Variants in IMMP2L observed in about 807,000 individuals in gnomAD.
IMMP2L encodes the protein inner mitochondrial membrane peptidase subunit 2.
IMMP2L carries 18 observed loss-of-function variants against 19.3 expected under a neutral mutation model. The observed-to-expected ratio is 0.93, with a 90% CI of 0.64 to 1.38. IMMP2L has a LOEUF of 1.38. Among genes scored for constraint, IMMP2L ranks in the 40% most tolerant of loss-of-function variants. The probability of loss-of-function intolerance (pLI) is 0.00; values close to 1 mark genes in which losing one functional copy is unlikely to be tolerated. For missense variants in IMMP2L, 233 were observed against 218.2 expected, an observed-to-expected ratio of 1.07 and a Z score of -0.43; for synonymous variants, 76 against 73.0, an observed-to-expected ratio of 1.04 and a Z score of -0.21.
Position 110,794,957 on chromosome 7 carries a change from T to C in IMMP2L, c.408+91636A>G, listed in dbSNP as rs112539805. Among the ~76,000 whole-genome samples, 35 of 152,136 alleles carry C rather than the reference T, an allele frequency of 2.3e-4. No homozygotes were observed. In the East Asian group the frequency reaches 4.1e-3, roughly 18 times the overall value. On this transcript the variant is annotated intron_variant, in intron 5 of 5. Coordinates refer to ENST00000405709, the MANE Select transcript of IMMP2L (RefSeq NM_032549.4). Reference sequence around the variant, plus strand: ...CCACAGTTTTACATTTAGTTAGCAATTGGGCCTGGTCCAGTCTTTGACTTC... The same window carrying C: ...CCACAGTTTTACATTTAGTTAGCAACTGGGCCTGGTCCAGTCTTTGACTTC...
chr7:111,170,475 G>A (rs752593973), intron 3 of IMMP2L, among the ~76,000 whole-genome samples: 27 of 151,998 alleles, frequency 1.8e-4, no homozygotes, highest in Admixed American at 5.3e-4. Context: ...AGCCAGAATA[G>A]GAGCCCACAA....
At chr7:111,538,554 C>T (rs1848105234) in intron 1 of IMMP2L, among the ~76,000 whole-genome samples, 1 of 149,774 alleles carries the variant, frequency 6.7e-6, no homozygotes, top group African/African-American at 2.5e-5. Context: ...AATCCCAGCA[C>T]TTTGGAGGCC....
intron 3 of IMMP2L, among the ~76,000 whole-genome samples, chr7:111,192,098 C>T (rs1347338048): frequency 2.0e-5 from 3 of 152,100 alleles, no homozygotes; most frequent in African/African-American, 7.2e-5. Flanking sequence ...GGGTGATCAA[C>T]TATGTACCCA....
chr7:110,693,446 A>G (rs1434320455), intron 5 of IMMP2L, among the ~76,000 whole-genome samples: 1 of 152,236 alleles, frequency 6.6e-6, no homozygotes, highest in African/African-American at 2.4e-5. Flanking sequence ...CAGGTGACAC[A>G]TTACACAATA....
chr7:111,195,193 GGATT>G (rs1383361386), intron 3 of IMMP2L, among the ~76,000 whole-genome samples: 1 of 151,858 alleles, frequency 6.6e-6, no homozygotes, highest in African/African-American at 2.4e-5. Context: ...TAAGTTTATT[GGATT>G]ATTAACATAA....
At chr7:111,022,223 G>A (rs890024667) in intron 3 of IMMP2L, among the ~76,000 whole-genome samples, 2 of 152,140 alleles carry the variant, frequency 1.3e-5, no homozygotes, top group Non-Finnish European at 2.9e-5. Flanking sequence ...GGGGAGTCAT[G>A]GGCTTAGCTA....
chr7:111,206,530 T>C (rs544197748), intron 3 of IMMP2L, among the ~76,000 whole-genome samples: 4 of 152,284 alleles, frequency 2.6e-5, no homozygotes, highest in Admixed American at 2.6e-4. Flanking sequence ...ACATAGTAGC[T>C]GTACACATTT....
chr7:111,558,456 G>C (rs1045017482), intron 1 of IMMP2L, among the ~76,000 whole-genome samples: 1 of 152,168 alleles, frequency 6.6e-6, no homozygotes, highest in Non-Finnish European at 1.5e-5. Flanking sequence ...CAGATTCTGT[G>C]CCACATTACA....
intron 3 of IMMP2L, among the ~76,000 whole-genome samples, chr7:111,188,494 C>G (rs969648833): frequency 1.3e-5 from 2 of 152,104 alleles, no homozygotes; most frequent in African/African-American, 4.8e-5. Context: ...GGGCTCCATC[C>G]TTGTGACCTA....
intron 3 of IMMP2L, among the ~76,000 whole-genome samples, chr7:111,086,255 GA>G (rs1366944429): frequency 7.2e-4 from 74 of 103,150 alleles, no homozygotes; most frequent in African/African-American, 2.5e-3. Context: ...TCTACTCAAA[GA>G]AAAAAAAAAG....
chr7:111,076,978 C>T (rs1465700901), intron 3 of IMMP2L, among the ~76,000 whole-genome samples: 1 of 152,142 alleles, frequency 6.6e-6, no homozygotes, highest in Non-Finnish European at 1.5e-5. Context: ...GAGGTCTCTC[C>T]TCCAACTAGG....
chr7:111,482,910 G>A (rs981226446), intron 3 of IMMP2L, among the ~76,000 whole-genome samples: 1 of 152,022 alleles, frequency 6.6e-6, no homozygotes, highest in African/African-American at 2.4e-5. Context: ...TGGCATAAAA[G>A]ACAAAGATCA....
At chr7:111,521,735 G>C (rs955732518) in intron 1 of IMMP2L, among the ~76,000 whole-genome samples, 4 of 152,058 alleles carry the variant, frequency 2.6e-5, no homozygotes, top group African/African-American at 7.2e-5. Context: ...AAGCATTCCA[G>C]AAGTAAATTC....
intron 3 of IMMP2L, among the ~76,000 whole-genome samples, chr7:111,111,942 G>GTTTGTTTTT: frequency 1.2e-5 from 1 of 84,126 alleles, no homozygotes; most frequent in Non-Finnish European, 2.2e-5. Context: ...TATATAGTTT[G>GTTTGTTTTT]TTTTTTTTTT....
Position 111,468,612 on chromosome 7 carries a change from G to C in IMMP2L, c.239+18626C>G, listed in dbSNP as rs78773915. On this transcript the variant is annotated intron_variant, in intron 3 of 5. Transcript: ENST00000405709. ...ATATAAGAAGAAAATGGAATCAGCA[G>C]AAGTTCTAAGCAGGAAAGTGATATT... Among the ~76,000 whole-genome samples the C allele has an allele frequency of 6.4e-3, 969 of 152,226 alleles. 12 individuals carry two copies. Among genetic ancestry groups the C allele is most frequent in the African/African-American group, 0.021 (853 of 41,552 alleles).
At chr7:111,384,306 GGAGGGAAA>G (rs1563127151) in intron 3 of IMMP2L, among the ~76,000 whole-genome samples, 1 of 148,728 alleles carries the variant, frequency 6.7e-6, no homozygotes, top group African/African-American at 2.6e-5. Context: ...GAAAGGAGGA[GGAGGGAAA>G]AGGAGAAGGA....
At chr7:111,296,361 T>C (rs776723595) in intron 3 of IMMP2L, among the ~76,000 whole-genome samples, 1 of 151,746 alleles carries the variant, frequency 6.6e-6, no homozygotes, top group Non-Finnish European at 1.5e-5. Context: ...AAACTGATAA[T>C]ACTAGACACA....
At chr7:111,501,993 G>A (rs1844319642) in intron 2 of IMMP2L, among the ~76,000 whole-genome samples, 1 of 152,098 alleles carries the variant, frequency 6.6e-6, no homozygotes, top group South Asian at 2.1e-4. Flanking sequence ...AAATGTAAAT[G>A]GGCTAAATGC....
chr7:111,134,662 G>C (rs2129595300), intron 3 of IMMP2L, among the ~76,000 whole-genome samples: 1 of 152,078 alleles, frequency 6.6e-6, no homozygotes, highest in East Asian at 1.9e-4. Flanking sequence ...CATGCATTAT[G>C]AAAATAGTTA....
Sources: allele counts gnomAD v4.1 joint callset (sites outside exome capture counted in the v4.1 genomes callset), GRCh38; gene constraint gnomAD v4.1.1; transcripts MANE v1.5; gene names NCBI Gene and HGNC (gene_info 2026-07-23, HGNC 2026-07-21).